CNTN5: variants seen among roughly 807,000 people sequenced by gnomAD.
CNTN5 encodes contactin-5.
A neutral mutation model predicts 129.1 loss-of-function variants in CNTN5; 77 were observed. That is an observed-to-expected ratio of 0.60 (90% CI 0.50 to 0.72). CNTN5 has a LOEUF of 0.72. Ranked by LOEUF, CNTN5 falls within the 30% of genes least tolerant of loss-of-function variation. CNTN5 has a pLI of 0.00. For missense variants in CNTN5, 1,478 were observed against 1,328.8 expected, an observed-to-expected ratio of 1.11 and a Z score of -1.75; for synonymous variants, 509 against 465.6, an observed-to-expected ratio of 1.09 and a Z score of -1.20.
chr11:99,392,750 G>T (rs1591617606), intron 2 of CNTN5, among the ~76,000 whole-genome samples: 1 of 151,796 alleles, frequency 6.6e-6, no homozygotes, highest in Admixed American at 6.6e-5. Flanking sequence ...ATACTAAAAG[G>T]TTGCCATGAA....
intron 8 of CNTN5, among the ~76,000 whole-genome samples, chr11:99,966,357 A>G (rs1398107011): frequency 2.6e-5 from 4 of 152,154 alleles, no homozygotes; most frequent in Admixed American, 6.5e-5. Context: ...TTATCCCCAG[A>G]GAGCAGGATT....
chr11:99,108,288 A>C (rs1260536968), intron 1 of CNTN5, among the ~76,000 whole-genome samples: 5 of 152,178 alleles, frequency 3.3e-5, no homozygotes, highest in Non-Finnish European at 7.4e-5. Context: ...ATTTTGATCT[A>C]ATTTAGATCC....
intron 3 of CNTN5, among the ~76,000 whole-genome samples, chr11:99,580,204 T>G (rs1440654008): frequency 5.3e-5 from 8 of 152,158 alleles, no homozygotes; most frequent in Admixed American, 4.6e-4. Context: ...TGGATAAGCT[T>G]TTTGATGTGT....
chr11:99,746,965 T>C (rs910459631), intron 3 of CNTN5, among the ~76,000 whole-genome samples: 1 of 152,228 alleles, frequency 6.6e-6, no homozygotes, highest in Admixed American at 6.5e-5. Context: ...GAAAATAGCA[T>C]TGGAATTTTG....
At chr11:99,806,535 G>T (rs1946275902) in intron 3 of CNTN5, among the ~76,000 whole-genome samples, 1 of 152,014 alleles carries the variant, frequency 6.6e-6, no homozygotes, top group Admixed American at 6.6e-5. Context: ...TAGGTCGTGT[G>T]CAGTGGCTCA....
chr11:100,152,692 G>GTGAA, intron 13 of CNTN5, among the ~76,000 whole-genome samples: 1 of 152,122 alleles, frequency 6.6e-6, no homozygotes, highest in African/African-American at 2.4e-5. Flanking sequence ...AAAAGACTCA[G>GTGAA]AAGTATAACC....
At chr11:99,730,221 G>C (rs969010686) in intron 3 of CNTN5, among the ~76,000 whole-genome samples, 1 of 152,122 alleles carries the variant, frequency 6.6e-6, no homozygotes, top group Admixed American at 6.5e-5. Flanking sequence ...CCTAGAAGGA[G>C]GCAGAATTCT....
intron 3 of CNTN5, among the ~76,000 whole-genome samples, chr11:99,765,150 A>G (rs752989680): frequency 6.6e-6 from 1 of 152,082 alleles, no homozygotes; most frequent in Non-Finnish European, 1.5e-5. Flanking sequence ...TTTTGACCCA[A>G]GAAACTGAGC....
intron 13 of CNTN5, among the ~76,000 whole-genome samples, chr11:100,155,989 C>T (rs1254378952): frequency 6.6e-6 from 1 of 151,968 alleles, no homozygotes; most frequent in African/African-American, 2.4e-5. Context: ...TTTTAATACC[C>T]TTTATTTCTT....
chr11:99,175,799 A>T (rs1226179735), intron 1 of CNTN5, among the ~76,000 whole-genome samples: 1 of 152,158 alleles, frequency 6.6e-6, no homozygotes, highest in Non-Finnish European at 1.5e-5. Flanking sequence ...AAATCTTCTA[A>T]GTTAAAGAGA....
chr11:100,124,650 G>T (rs1946127311), intron 13 of CNTN5, among the ~76,000 whole-genome samples: 1 of 151,990 alleles, frequency 6.6e-6, no homozygotes, highest in African/African-American at 2.4e-5. Flanking sequence ...CACAACAGTA[G>T]TGCTCAGCAT....
chr11:99,832,947 G>C (rs1947190745), intron 4 of CNTN5, among the ~76,000 whole-genome samples: 1 of 152,060 alleles, frequency 6.6e-6, no homozygotes, highest in South Asian at 2.1e-4. Context: ...AATAAGCACA[G>C]AAGTTGATGT....
chr11:99,394,077 T>G (rs1202695059), intron 2 of CNTN5, among the ~76,000 whole-genome samples: 1 of 151,726 alleles, frequency 6.6e-6, no homozygotes, highest in Admixed American at 6.6e-5. Context: ...TTTGCCAATA[T>G]GTGAAGTACC....
chr11:99,484,922 G>T (rs1008946283), intron 2 of CNTN5, among the ~76,000 whole-genome samples: 10 of 152,120 alleles, frequency 6.6e-5, no homozygotes, highest in African/African-American at 2.4e-4. Flanking sequence ...GGGCCGGGGA[G>T]AGGGGAGCAT....
intron 18 of CNTN5, among the ~76,000 whole-genome samples, chr11:100,289,918 G>T (rs12276367): frequency 0.081 from 12,272 of 150,892 alleles, 494 homozygotes; most frequent in Non-Finnish European, 0.1. Context: ...AAAGTCTCAG[G>T]ATACAAAATC....
At chr11:99,311,992 G>A (rs1198184688) in intron 1 of CNTN5, among the ~76,000 whole-genome samples, 2 of 152,066 alleles carry the variant, frequency 1.3e-5, no homozygotes, top group African/African-American at 4.8e-5. Context: ...ACCTTGGTTG[G>A]CTGTTTTGTT....
At chr11:99,271,362 T>C (rs2135857056) in intron 1 of CNTN5, among the ~76,000 whole-genome samples, 1 of 152,016 alleles carries the variant, frequency 6.6e-6, no homozygotes, top group East Asian at 1.9e-4. Flanking sequence ...TTAGTTCTAC[T>C]TTTCAGTTGT....
At chr11:99,230,107 T>C (rs1035159118) in intron 1 of CNTN5, among the ~76,000 whole-genome samples, 1 of 152,118 alleles carries the variant, frequency 6.6e-6, no homozygotes. Flanking sequence ...GATTCTTCTA[T>C]TGTTAAAATT....
intron 3 of CNTN5, among the ~76,000 whole-genome samples, chr11:99,805,581 C>T (rs1180292259): frequency 6.6e-6 from 1 of 152,122 alleles, no homozygotes; most frequent in Non-Finnish European, 1.5e-5. Context: ...TAGCTCCCCA[C>T]CCTCCAGGGG....
Sources: gnomAD v4.1 joint callset for allele counts (sites outside exome capture counted in the v4.1 genomes callset) on GRCh38, gnomAD v4.1.1 for gene constraint, MANE v1.5 for transcripts, NCBI Gene and HGNC (gene_info 2026-07-23, HGNC 2026-07-21) for gene names.